The following TMEM123 variants were observed in gnomAD, a reference collection of about 807,000 sequenced individuals.
The protein encoded by TMEM123 is porimin.
In TMEM123, 16 loss-of-function variants were observed where a neutral mutation model predicts 19.7. That is an observed-to-expected ratio of 0.81 (90% CI 0.55 to 1.23). The LOEUF is 1.23. Ranked by LOEUF, TMEM123 falls within the 50% of genes most tolerant of loss-of-function variation. TMEM123 has a pLI of 0.00. For synonymous variants in TMEM123, 118 were observed against 99.4 expected (o/e 1.19, Z -1.12); for missense variants, 313 against 257.8 (o/e 1.21, Z -1.47).
chr11:102,431,725 A>G (rs1857711868), intron 2 of TMEM123, among the ~76,000 whole-genome samples: 1 of 152,208 alleles, frequency 6.6e-6, no homozygotes, highest in Admixed American at 6.5e-5. Context: ...TGATTCTACA[A>G]CTTGGTGATA....
intron 2 of TMEM123, among the ~76,000 whole-genome samples, chr11:102,427,761 C>T (rs1952141880): frequency 6.7e-6 from 1 of 150,264 alleles, no homozygotes; most frequent in African/African-American, 2.4e-5. Flanking sequence ...TCACTGGAAC[C>T]CGGGAGGCAG....
intron 2 of TMEM123, among the ~76,000 whole-genome samples, chr11:102,419,225 T>C (rs966224983): frequency 1.3e-5 from 2 of 152,218 alleles, no homozygotes; most frequent in Admixed American, 6.5e-5. Context: ...ATTCTAAAAA[T>C]TAAGGTACAC....
chr11:102,446,243 A>T (rs1450996584), intron 2 of TMEM123, among the ~76,000 whole-genome samples: 1 of 152,250 alleles, frequency 6.6e-6, no homozygotes, highest in Non-Finnish European at 1.5e-5. Flanking sequence ...ATCCATCCAC[A>T]GAATCTAAAT....
intron 2 of TMEM123, among the ~76,000 whole-genome samples, chr11:102,410,678 G>A (rs559574248): frequency 7.9e-5 from 12 of 152,216 alleles, no homozygotes; most frequent in African/African-American, 2.9e-4. Flanking sequence ...CTGTTAGGCT[G>A]ACAGCTTGCT....
intron 2 of TMEM123, among the ~76,000 whole-genome samples, chr11:102,405,785 G>A (rs1282887427): frequency 5.9e-5 from 9 of 152,102 alleles, no homozygotes; most frequent in Admixed American, 6.5e-5. Flanking sequence ...TTAGTTCTCC[G>A]CTAAGTCAAT....
At chr11:102,427,652 T>C (rs1952140956) in intron 2 of TMEM123, among the ~76,000 whole-genome samples, 1 of 151,342 alleles carries the variant, frequency 6.6e-6, no homozygotes, top group East Asian at 2.0e-4. Context: ...GCCTGGCCAA[T>C]ACGGTGAAAC....
rs1234643115 is a variant in TMEM123 at position 102,451,590 on chromosome 11, TG to T, written c.100+933del. Among the ~76,000 whole-genome samples, 4 of 152,336 alleles carry T rather than the reference TG, an allele frequency of 2.6e-5. No homozygotes were observed. In the South Asian group the frequency reaches 6.2e-4, roughly 24 times the overall value. ...ATAGAACTTAAAACCATGAAAACCT[TG>T]GGTTACTTAACTTATCCTAGTTTAC... On this transcript the variant is annotated intron_variant, in intron 1 of 4. Coordinates refer to ENST00000398136, the MANE Select transcript of TMEM123 (RefSeq NM_052932.3).
chr11:102,443,528 A>ATT (rs200644398), intron 2 of TMEM123, among the ~76,000 whole-genome samples: 6,815 of 152,218 alleles, frequency 0.045, 211 homozygotes, highest in Non-Finnish European at 0.073. Context: ...TTCCTTATAC[A>ATT]TTATACAAAA....
At position 102,426,996 on chromosome 11, in the gene TMEM123, A is replaced by C. The variant is rs1373419575; in HGVS notation, c.157+21816T>G. Reference sequence around the variant, plus strand: ...TGCCAAACCAAATTGAAGTTTTCTAACTATAAATGTATTACTGTCTATTAC... The same window carrying C: ...TGCCAAACCAAATTGAAGTTTTCTACCTATAAATGTATTACTGTCTATTAC... On this transcript the variant is annotated intron_variant, in intron 2 of 4. Coordinates refer to ENST00000398136, the MANE Select transcript of TMEM123 (RefSeq NM_052932.3). 2.6e-5 allele frequency among the ~76,000 whole-genome samples: 4 copies of C among 151,058 alleles called. No homozygotes were observed. In the East Asian group the frequency reaches 7.8e-4, roughly 29 times the overall value.
At chr11:102,431,042 T>A (rs1857697933) in intron 2 of TMEM123, among the ~76,000 whole-genome samples, 1 of 152,206 alleles carries the variant, frequency 6.6e-6, no homozygotes, top group African/African-American at 2.4e-5. Flanking sequence ...TTCAACTAGT[T>A]GTTTTCATGT....
intron 2 of TMEM123, among the ~76,000 whole-genome samples, chr11:102,432,088 T>G (rs923109409): frequency 1.3e-5 from 2 of 152,166 alleles, no homozygotes; most frequent in African/African-American, 4.8e-5. Context: ...TCTAGTACAT[T>G]GGTACTGGGA....
In TMEM123 at chr11:102,452,702, C is replaced by T. The variant is rs1857958254; in HGVS notation, c.-79G>A. ...GGCGAGAGCGGCTCCTCTGCGCAGCCGGCGCCGGCTCCGCTTCCCCTTCGG... is the reference window on the plus strand; with the variant it reads ...GGCGAGAGCGGCTCCTCTGCGCAGCTGGCGCCGGCTCCGCTTCCCCTTCGG... On this transcript the variant is annotated 5_prime_UTR_variant, in exon 1 of 5. Transcript: ENST00000398136. The T allele has an allele frequency of 1.1e-5, 13 of 1,159,932 alleles. No individual in the cohort carries two copies. The highest frequency in any genetic ancestry group is 1.3e-5 in the Non-Finnish European group (12 of 889,930). The allele number at this position is 1,159,932 out of a possible 1,614,324, so 71.9% of individuals were successfully genotyped here.
chr11:102,412,988 A>C (rs1210049926), intron 2 of TMEM123, among the ~76,000 whole-genome samples: 1 of 152,192 alleles, frequency 6.6e-6, no homozygotes, highest in Non-Finnish European at 1.5e-5. Context: ...TGATAAAGTA[A>C]AAAAATTAAT....
intron 2 of TMEM123, among the ~76,000 whole-genome samples, chr11:102,441,435 G>A (rs1232843196): frequency 1.2e-4 from 18 of 152,164 alleles, no homozygotes; most frequent in African/African-American, 2.4e-5. Context: ...ACCTGCTCCT[G>A]AATGACTACT....
chr11:102,450,701 TATTA>T (rs900341068), intron 1 of TMEM123, among the ~76,000 whole-genome samples: 5 of 152,356 alleles, frequency 3.3e-5, no homozygotes, highest in Admixed American at 6.5e-5. Flanking sequence ...ACCAAACATG[TATTA>T]ATTGTTTTAC....
At chr11:102,427,385 G>T (rs377612015) in intron 2 of TMEM123, among the ~76,000 whole-genome samples, 1 of 151,744 alleles carries the variant, frequency 6.6e-6, no homozygotes, top group Non-Finnish European at 1.5e-5. Context: ...GGAACAAGGG[G>T]AGAAGGCAGA....
rs766510319 is a variant in TMEM123 at position 102,401,997 on chromosome 11, G to C, written c.367C>G (p.Gln123Glu). The part of the protein sequence containing the change: ...KSTPKTTSVS[Q>E]NTSQISTSTM... ...GATGTTGATATCTGAGATGTGTTCT[G>C]TGAAACACTTGTTGTTTTGGGTGTA... Residue 123 changes from glutamine (Q) to glutamate (E), a missense_variant, in exon 3 of 5, where the codon CAG (glutamine) becomes GAG (glutamate). Gln to Glu is a conservative substitution (Grantham distance 29). Coordinates refer to ENST00000398136, the MANE Select transcript of TMEM123 (RefSeq NM_052932.3). The C allele has an allele frequency of 1.9e-6, 3 of 1,614,168 alleles. No individual in the cohort carries two copies. Among genetic ancestry groups the C allele is most frequent in the South Asian group, 2.2e-5 (2 of 91,084 alleles).
chr11:102,404,603 G>GTTA (rs1487389133), intron 2 of TMEM123, among the ~76,000 whole-genome samples: 1 of 149,558 alleles, frequency 6.7e-6, no homozygotes, highest in African/African-American at 2.5e-5. Flanking sequence ...ATTTATTATT[G>GTTA]TTATTACTAT....
intron 2 of TMEM123, among the ~76,000 whole-genome samples, chr11:102,430,219 T>C (rs757670649): frequency 3.9e-5 from 6 of 152,180 alleles, no homozygotes; most frequent in Non-Finnish European, 8.8e-5. Context: ...ACCAAGGGGC[T>C]CCATCTCACA....
Sources: allele counts gnomAD v4.1 joint callset (sites outside exome capture counted in the v4.1 genomes callset), GRCh38; gene constraint gnomAD v4.1.1; transcripts MANE v1.5; gene names NCBI Gene and HGNC (gene_info 2026-07-23, HGNC 2026-07-21).